CENPP: variants seen among roughly 807,000 people sequenced by gnomAD.
The protein encoded by CENPP is centromere protein P.
In CENPP, 24 loss-of-function variants were observed where a neutral mutation model predicts 35.6. The observed-to-expected ratio is 0.67, with a 90% CI of 0.49 to 0.95. The LOEUF (loss-of-function observed/expected upper bound fraction) is 0.95, where lower values mean the gene tolerates loss of function less well. Ranked by LOEUF, CENPP falls within the 40% of genes least tolerant of loss-of-function variation. The pLI is 0.00. For synonymous variants in CENPP, 120 were observed against 125.5 expected, an observed-to-expected ratio of 0.96 and a Z score of 0.29; for missense variants, 332 against 345.3, an observed-to-expected ratio of 0.96 and a Z score of 0.31.
chr9:92,383,302 G>A (rs897224047), intron 5 of CENPP, among the ~76,000 whole-genome samples: 1 of 152,050 alleles, frequency 6.6e-6, no homozygotes, highest in Admixed American at 6.5e-5. Context: ...TTATTTGGGG[G>A]TCTCTTGAAG....
chr9:92,469,636 C>T (rs1215057162), intron 5 of CENPP, among the ~76,000 whole-genome samples: 1 of 152,114 alleles, frequency 6.6e-6, no homozygotes, highest in African/African-American at 2.4e-5. Flanking sequence ...TTTGTTTTCT[C>T]CAGCACAGCC....
At position 92,370,566 on chromosome 9, in the gene CENPP, C is replaced by T. The variant is rs888882639; in HGVS notation, c.468-9197C>T. Among the ~76,000 whole-genome samples the T allele has an allele frequency of 6.5e-4, 99 of 152,140 alleles. 1 individual carries two copies. The Middle Eastern group carries it at 0.01, about 16-fold the overall frequency. ...CATGATCTTGGCTCACTGCAACCTC[C>T]GCTTTCCGGGTTCAAGCGATTCTCC... On this transcript the variant is annotated intron_variant, in intron 4 of 7. Coordinates refer to ENST00000375587, the MANE Select transcript of CENPP (RefSeq NM_001012267.3).
At chr9:92,586,242 G>A (rs188807641) in intron 5 of CENPP, among the ~76,000 whole-genome samples, 4 of 152,058 alleles carry the variant, frequency 2.6e-5, no homozygotes, top group Non-Finnish European at 4.4e-5. Flanking sequence ...ACAGGGTTTC[G>A]CCATGTTGGC....
chr9:92,430,026 C>T (rs1388939663), intron 5 of CENPP, among the ~76,000 whole-genome samples: 1 of 152,128 alleles, frequency 6.6e-6, no homozygotes, highest in African/African-American at 2.4e-5. Context: ...AGGGGTCAAT[C>T]CTCAGGCACA....
chr9:92,516,310 G>A (rs1451052801), intron 5 of CENPP, among the ~76,000 whole-genome samples: 14 of 152,174 alleles, frequency 9.2e-5, no homozygotes, highest in Admixed American at 2.6e-4. Flanking sequence ...TGATCCTCCC[G>A]CCTCAGCCTC....
intron 5 of CENPP, among the ~76,000 whole-genome samples, chr9:92,387,846 C>A (rs187341770): frequency 1.7e-3 from 257 of 151,952 alleles, no homozygotes; most frequent in African/African-American, 5.9e-3. Flanking sequence ...TCACTGCAAC[C>A]TCCGCCTCCC....
chr9:92,437,780 G>A (rs1844284377), intron 5 of CENPP, among the ~76,000 whole-genome samples: 1 of 151,640 alleles, frequency 6.6e-6, no homozygotes. Context: ...ATTTTTTGGA[G>A]ACACTGTCTC....
chr9:92,578,327 G>A lies in CENPP; in HGVS notation c.565-32987G>A, dbSNP rs545440505. 2.6e-5 allele frequency among the ~76,000 whole-genome samples: 4 copies of A among 152,262 alleles called. No homozygotes were observed. In the East Asian group the frequency reaches 7.7e-4, roughly 29 times the overall value. ...TGGGTATATACCCAGTAATGCGATG[G>A]CTGGGTCTAATGGTATTTCTAGTTC... On this transcript the variant is annotated intron_variant, in intron 5 of 7. Transcript: ENST00000375587.
At chr9:92,583,428 G>C (rs950745033) in intron 5 of CENPP, among the ~76,000 whole-genome samples, 29 of 152,234 alleles carry the variant, frequency 1.9e-4, no homozygotes, top group East Asian at 1.9e-4. Flanking sequence ...CTATTAATCT[G>C]TCGGTATGTA....
chr9:92,371,802 A>ATAT (rs141401737), intron 4 of CENPP, among the ~76,000 whole-genome samples: 1 of 150,194 alleles, frequency 6.7e-6, no homozygotes, highest in Non-Finnish European at 1.5e-5. Flanking sequence ...GTATATATAT[A>ATAT]TTTAGAATTG....
chr9:92,495,466 A>C (rs1846302153), intron 5 of CENPP: 1 of 984,820 alleles, frequency 1.0e-6, no homozygotes. Context: ...AATTTTTCAA[A>C]AATTTATACA....
intron 5 of CENPP, among the ~76,000 whole-genome samples, chr9:92,465,342 G>A (rs1300233017): frequency 3.3e-5 from 5 of 152,142 alleles, no homozygotes. Flanking sequence ...TTGTAATAGT[G>A]CATCAAAAAA....
At chr9:92,350,945 AC>A (rs957166602) in intron 4 of CENPP, among the ~76,000 whole-genome samples, 3 of 152,194 alleles carry the variant, frequency 2.0e-5, no homozygotes, top group African/African-American at 4.8e-5. Context: ...AGCACAGAGA[AC>A]ATGAAATCAT....
chr9:92,419,121 C>G (rs1843707808), intron 5 of CENPP, among the ~76,000 whole-genome samples: 1 of 152,140 alleles, frequency 6.6e-6, no homozygotes, highest in Non-Finnish European at 1.5e-5. Flanking sequence ...ACAATGAACA[C>G]TCAGTGCTGA....
chr9:92,372,806 G>T (rs942119349), intron 4 of CENPP, among the ~76,000 whole-genome samples: 1 of 151,408 alleles, frequency 6.6e-6, no homozygotes, highest in Non-Finnish European at 1.5e-5. Flanking sequence ...GTCTGATTGA[G>T]GTTTTTTCTT....
chr9:92,449,298 G>A (rs137980211), intron 5 of CENPP, among the ~76,000 whole-genome samples: 5 of 151,660 alleles, frequency 3.3e-5, no homozygotes, highest in Admixed American at 2.0e-4. Flanking sequence ...AAAATTAGCC[G>A]GGCGTGGTGG....
At chr9:92,417,631 T>A in intron 5 of CENPP, 1 of 858,992 alleles carries the variant, frequency 1.2e-6, no homozygotes, top group Non-Finnish European at 1.8e-6. Flanking sequence ...CAGAATACGC[T>A]TTGTATAAAT....
At chr9:92,363,316 G>A (rs543911770) in intron 4 of CENPP, among the ~76,000 whole-genome samples, 7 of 152,056 alleles carry the variant, frequency 4.6e-5, no homozygotes, top group Non-Finnish European at 5.9e-5. Context: ...GTCATGTGCC[G>A]CATAACTACT....
chr9:92,388,337 T>A (rs1303376235), intron 5 of CENPP, among the ~76,000 whole-genome samples: 1 of 150,214 alleles, frequency 6.7e-6, no homozygotes, highest in Non-Finnish European at 1.5e-5. Context: ...AATTTTTGTA[T>A]TTTTAGTGGA....
Sources: allele counts gnomAD v4.1 joint callset (sites outside exome capture counted in the v4.1 genomes callset), GRCh38; gene constraint gnomAD v4.1.1; transcripts MANE v1.5; gene names NCBI Gene and HGNC (gene_info 2026-07-23, HGNC 2026-07-21).